NCOA3: variants seen among roughly 807,000 people sequenced by gnomAD.
The protein encoded by NCOA3 is CBP-interacting protein.
Under a neutral mutation model 158.8 loss-of-function variants are expected in NCOA3, and 51 were observed. The observed-to-expected ratio is 0.32, with a 90% CI of 0.26 to 0.41. The LOEUF is 0.41. Among genes scored for constraint, NCOA3 ranks in the 10% least tolerant of loss-of-function variants. The pLI is 1.00. For synonymous variants in NCOA3, 537 were observed against 592.4 expected (o/e 0.91, Z 1.36); for missense variants, 1,510 against 1,746.6 (o/e 0.86, Z 2.41).
intron 1 of NCOA3, among the ~76,000 whole-genome samples, chr20:47,552,816 G>A (rs940874970): frequency 4.6e-5 from 7 of 152,096 alleles, no homozygotes; most frequent in African/African-American, 1.7e-4. Flanking sequence ...TCAGAGCTAT[G>A]TGTCTTCATT....
Position 47,640,044 on chromosome 20 carries a change from C to T in NCOA3, c.3073C>T (p.Gln1025Ter). Residue 1025 changes from glutamine (Q) to a stop codon, truncating the protein, a stop_gained, in exon 16 of 23, where the codon CAA (glutamine) becomes TAA (stop). Coordinates refer to ENST00000371998, the MANE Select transcript of NCOA3 (RefSeq NM_181659.3). LOFTEE classifies it high-confidence loss of function. ...LSMEQVSHGTQNRPLLRNSLD... is the reference protein window; with the variant it reads ...LSMEQVSHGT ...CATGGAACAAGTTTCTCATGGCACT[C>T]AAAATAGGTGGGGTGTTATTTTGTG... The T allele has an allele frequency of 6.2e-7, 1 of 1,614,120 alleles. No homozygotes were observed. The highest frequency in any genetic ancestry group is 8.5e-7 in the Non-Finnish European group (1 of 1,180,026).
At chr20:47,516,308 G>T (rs1402563346) in intron 1 of NCOA3, among the ~76,000 whole-genome samples, 4 of 151,954 alleles carry the variant, frequency 2.6e-5, no homozygotes, top group African/African-American at 9.7e-5. Context: ...TGTATCTTCT[G>T]TTCAATATTG....
At chr20:47,634,305 T>C (rs1322090002) in intron 10 of NCOA3, 110 bp downstream of exon 10, 1 of 1,088,478 alleles carries the variant, frequency 9.2e-7, no homozygotes, top group Admixed American at 2.3e-5. Context: ...TTTAGGAAGG[T>C]TATTGGGTTT....
At chr20:47,502,747 C>G (rs113719730) in intron 1 of NCOA3, among the ~76,000 whole-genome samples, 70 of 146,470 alleles carry the variant, frequency 4.8e-4, no homozygotes, top group African/African-American at 1.8e-3. Flanking sequence ...TTATGAACAT[C>G]GACCCAGTTC....
chr20:47,529,439 CAG>C (rs923113717), intron 1 of NCOA3, among the ~76,000 whole-genome samples: 4 of 151,718 alleles, frequency 2.6e-5, no homozygotes, highest in Admixed American at 6.6e-5. Context: ...TTTTTTGAGA[CAG>C]AGTCTTTGTC....
intron 1 of NCOA3, among the ~76,000 whole-genome samples, chr20:47,571,445 G>A (rs527251990): frequency 2.6e-5 from 4 of 151,772 alleles, no homozygotes; most frequent in East Asian, 3.9e-4. Context: ...AGCCTCCAGA[G>A]TAGCTGGGAC....
chr20:47,567,030 A>ATTTG (rs1394735497), intron 1 of NCOA3, among the ~76,000 whole-genome samples: 4 of 151,590 alleles, frequency 2.6e-5, no homozygotes, highest in Non-Finnish European at 5.9e-5. Context: ...GTATGTATGT[A>ATTTG]TGTATGTATG....
intron 2 of NCOA3, among the ~76,000 whole-genome samples, chr20:47,592,805 A>C (rs1453567583): frequency 6.6e-6 from 1 of 152,244 alleles, no homozygotes; most frequent in Non-Finnish European, 1.5e-5. Context: ...TCTCATTTAA[A>C]AAACGGTTTT....
intron 5 of NCOA3, among the ~76,000 whole-genome samples, chr20:47,625,763 C>A (rs1272119105): frequency 6.6e-6 from 1 of 151,984 alleles, no homozygotes; most frequent in Non-Finnish European, 1.5e-5. Flanking sequence ...GGAAAGGTAG[C>A]CTGTAATTTC....
chr20:47,583,319 A>T (rs137946838), intron 2 of NCOA3, 58 bp downstream of exon 2: 1 of 397,808 alleles, frequency 2.5e-6, no homozygotes, highest in African/African-American at 2.1e-5. Flanking sequence ...AACCTTCTGA[A>T]GATATTACCC....
intron 1 of NCOA3, among the ~76,000 whole-genome samples, chr20:47,513,039 C>A (rs1389822586): frequency 2.0e-5 from 3 of 151,838 alleles, no homozygotes; most frequent in Admixed American, 1.3e-4. Flanking sequence ...GTGCCTGTAA[C>A]CCCAGCTTCT....
chr20:47,517,034 A>G (rs530587135), intron 1 of NCOA3, among the ~76,000 whole-genome samples: 1 of 152,254 alleles, frequency 6.6e-6, no homozygotes, highest in East Asian at 1.9e-4. Context: ...ACCAGCCAGC[A>G]TGGTGAAACC....
intron 1 of NCOA3, among the ~76,000 whole-genome samples, chr20:47,577,813 T>A (rs1402616766): frequency 2.0e-5 from 3 of 152,340 alleles, no homozygotes; most frequent in African/African-American, 7.2e-5. Flanking sequence ...CTGTTTTCAC[T>A]GCGTTATTAT....
intron 1 of NCOA3, among the ~76,000 whole-genome samples, chr20:47,510,261 T>C (rs1194079138): frequency 6.6e-6 from 1 of 151,508 alleles, no homozygotes; most frequent in East Asian, 1.9e-4. Flanking sequence ...TGAAACTCCG[T>C]CTCTACTAAA....
chr20:47,515,673 C>T (rs950593854), intron 1 of NCOA3, among the ~76,000 whole-genome samples: 4 of 151,640 alleles, frequency 2.6e-5, no homozygotes, highest in Admixed American at 6.6e-5. Flanking sequence ...TTAGTAGAGA[C>T]GGGATTTCAC....
At chr20:47,580,805 A>G (rs1026439305) in intron 1 of NCOA3, among the ~76,000 whole-genome samples, 1 of 152,030 alleles carries the variant, frequency 6.6e-6, no homozygotes, top group African/African-American at 2.4e-5. Context: ...TTCAAGTTAA[A>G]AAACATAACA....
At chr20:47,604,023 A>G (rs2085905065) in intron 2 of NCOA3, among the ~76,000 whole-genome samples, 1 of 152,224 alleles carries the variant, frequency 6.6e-6, no homozygotes, top group Non-Finnish European at 1.5e-5. Flanking sequence ...CTGTATCAGT[A>G]ATATAGGAAT....
intron 1 of NCOA3, among the ~76,000 whole-genome samples, chr20:47,504,181 T>C (rs2083986896): frequency 6.6e-6 from 1 of 152,178 alleles, no homozygotes; most frequent in African/African-American, 2.4e-5. Context: ...TTCAGTGATA[T>C]TAGAGCTAGG....
chr20:47,570,984 A>ATGTGTGTGTGTGTGTGTGTGTGTGTG (rs74178747), intron 1 of NCOA3, among the ~76,000 whole-genome samples: 3 of 120,762 alleles, frequency 2.5e-5, no homozygotes, highest in African/African-American at 9.9e-5. Context: ...ATATACATAT[A>ATGTGTGTGTGTGTGTGTGTGTGTGTG]TGTGTGTGTG....
Sources: allele counts gnomAD v4.1 joint callset (sites outside exome capture counted in the v4.1 genomes callset), GRCh38; gene constraint gnomAD v4.1.1; transcripts MANE v1.5; gene names NCBI Gene and HGNC (gene_info 2026-07-23, HGNC 2026-07-21).